The following CCDC91 variants were observed in gnomAD, a reference collection of about 807,000 sequenced individuals.
CCDC91 encodes the protein coiled-coil domain-containing protein 91.
In CCDC91, 48 loss-of-function variants were observed where a neutral mutation model predicts 63.2. The ratio of observed to expected loss-of-function variants is 0.76; its 90% confidence interval spans 0.60 to 0.97. The LOEUF (loss-of-function observed/expected upper bound fraction) is 0.97. CCDC91 is among the 50% of genes least tolerant of loss of function. The probability of loss-of-function intolerance (pLI) is 0.00; values close to 1 mark genes in which losing one functional copy is unlikely to be tolerated. For missense variants in CCDC91, 500 were observed against 494.6 expected, an observed-to-expected ratio of 1.01 and a Z score of -0.10; for synonymous variants, 167 against 165.8, an observed-to-expected ratio of 1.01 and a Z score of -0.06.
chr12:28,408,271 G>C (rs1241477947), intron 8 of CCDC91, among the ~76,000 whole-genome samples: 1 of 152,100 alleles, frequency 6.6e-6, no homozygotes, highest in African/African-American at 2.4e-5. Context: ...TGCTGAGAAT[G>C]ATGGCTTCCA....
chr12:28,342,120 A>G (rs1317121649), intron 6 of CCDC91, among the ~76,000 whole-genome samples: 1 of 152,200 alleles, frequency 6.6e-6, no homozygotes, highest in South Asian at 2.1e-4. Flanking sequence ...AGACACAAAG[A>G]AGCATGAGAA....
chr12:28,286,983 T>G (rs1592208306), intron 3 of CCDC91, among the ~76,000 whole-genome samples: 1 of 152,118 alleles, frequency 6.6e-6, no homozygotes, highest in East Asian at 1.9e-4. Flanking sequence ...CAGCTTTTTT[T>G]CATATGCTTG....
intron 8 of CCDC91, among the ~76,000 whole-genome samples, chr12:28,412,399 T>C (rs1947370326): frequency 6.6e-6 from 1 of 152,204 alleles, no homozygotes; most frequent in Non-Finnish European, 1.5e-5. Context: ...AAGAAGCAGA[T>C]ACAGGAAAGC....
intron 12 of CCDC91, among the ~76,000 whole-genome samples, chr12:28,491,317 A>G (rs1951990871): frequency 6.6e-6 from 1 of 151,768 alleles, no homozygotes; most frequent in South Asian, 2.1e-4. Flanking sequence ...AATCACTTGA[A>G]CCCAGGTAGA....
intron 7 of CCDC91, 60 bp downstream of exon 7, chr12:28,362,575 A>G (rs1157982292): frequency 9.8e-7 from 1 of 1,020,254 alleles, no homozygotes; most frequent in Non-Finnish European, 1.4e-6. Flanking sequence ...AAAAATGTAC[A>G]CATGTAGGTA....
intron 1 of CCDC91, among the ~76,000 whole-genome samples, chr12:28,202,924 A>C (rs1040085516): frequency 1.2e-4 from 19 of 152,230 alleles, no homozygotes; most frequent in African/African-American, 4.6e-4. Context: ...TGTTTTTGAC[A>C]AATGCTATCT....
chr12:28,211,143 T>C (rs902527453), intron 1 of CCDC91, among the ~76,000 whole-genome samples: 5 of 150,176 alleles, frequency 3.3e-5, no homozygotes, highest in African/African-American at 1.2e-4. Context: ...CTTTTTTGTG[T>C]TAATTAAAAC....
intron 6 of CCDC91, 80 bp downstream of exon 6, chr12:28,307,829 A>G (rs1042821830): frequency 1.4e-6 from 1 of 740,368 alleles, no homozygotes; most frequent in Non-Finnish European, 2.3e-6. Flanking sequence ...TGCATAATGA[A>G]TATCTTATGA....
chr12:28,327,638 A>G (rs554463584), intron 6 of CCDC91, among the ~76,000 whole-genome samples: 102 of 152,244 alleles, frequency 6.7e-4, no homozygotes, highest in African/African-American at 2.2e-3. Context: ...TCTTTTGCCT[A>G]TTAAACCTTT....
intron 8 of CCDC91, among the ~76,000 whole-genome samples, chr12:28,402,045 C>G (rs1437400164): frequency 6.6e-6 from 1 of 152,026 alleles, no homozygotes; most frequent in South Asian, 2.1e-4. Flanking sequence ...TTTCTGGACT[C>G]TGAATTTTGT....
intron 6 of CCDC91, among the ~76,000 whole-genome samples, chr12:28,327,767 G>A (rs1245729476): frequency 6.6e-6 from 1 of 152,118 alleles, no homozygotes; most frequent in African/African-American, 2.4e-5. Context: ...AGCTGTCCTG[G>A]CACTGGTGGG....
At chr12:28,522,818 C>T (rs1291821611) in intron 12 of CCDC91, among the ~76,000 whole-genome samples, 2 of 152,146 alleles carry the variant, frequency 1.3e-5, no homozygotes, top group Non-Finnish European at 2.9e-5. Flanking sequence ...TTTCTGCCTT[C>T]ATTTCGTTAT....
chr12:28,540,975 T>C (rs1942589170), intron 12 of CCDC91, among the ~76,000 whole-genome samples: 1 of 152,104 alleles, frequency 6.6e-6, no homozygotes, highest in Non-Finnish European at 1.5e-5. Context: ...CCTTCCCCAG[T>C]TGAACTTTGA....
intron 3 of CCDC91, among the ~76,000 whole-genome samples, chr12:28,283,884 T>C (rs2136630783): frequency 6.6e-6 from 1 of 152,274 alleles, no homozygotes; most frequent in South Asian, 2.1e-4. Flanking sequence ...TTATTTTAGA[T>C]TTCAGGGTTT....
chr12:28,320,341 T>G (rs1940361485), intron 6 of CCDC91, among the ~76,000 whole-genome samples: 1 of 151,908 alleles, frequency 6.6e-6, no homozygotes, highest in African/African-American at 2.4e-5. Flanking sequence ...AGACTTTTTT[T>G]TGTAGTCAAT....
At chr12:28,343,593 C>A (rs1161082676) in intron 6 of CCDC91, among the ~76,000 whole-genome samples, 1 of 152,098 alleles carries the variant, frequency 6.6e-6, no homozygotes, top group Non-Finnish European at 1.5e-5. Flanking sequence ...AGTTCAATTT[C>A]TTTACCTGTA....
At chr12:28,407,670 A>C (rs78162045) in intron 8 of CCDC91, among the ~76,000 whole-genome samples, 1,989 of 152,264 alleles carry the variant, frequency 0.013, 50 homozygotes, top group African/African-American at 0.045. Flanking sequence ...TGAGTTGAAT[A>C]AATTTAGGGA....
chr12:28,193,528 G>A (rs1202352227), intron 1 of CCDC91, among the ~76,000 whole-genome samples: 5 of 151,928 alleles, frequency 3.3e-5, no homozygotes, highest in Non-Finnish European at 7.4e-5. Context: ...TTGAACCAGG[G>A]AGTCGGAGGT....
chr12:28,412,725 C>T (rs1947393389), intron 8 of CCDC91: 1 of 453,138 alleles, frequency 2.2e-6, no homozygotes, highest in Non-Finnish European at 4.4e-6. Context: ...CTTATTGTCC[C>T]CTCCCATGTT....
Sources: gnomAD v4.1 joint callset for allele counts (sites outside exome capture counted in the v4.1 genomes callset) on GRCh38, gnomAD v4.1.1 for gene constraint, MANE v1.5 for transcripts, NCBI Gene and HGNC (gene_info 2026-07-23, HGNC 2026-07-21) for gene names.